Variants in ANXA3 observed in about 807,000 individuals in gnomAD.
ANXA3 encodes 35-alpha calcimedin.
A neutral mutation model predicts 48.8 loss-of-function variants in ANXA3; 46 were observed. The observed-to-expected ratio is 0.94, with a 90% CI of 0.74 to 1.21. ANXA3 has a LOEUF of 1.21. Ranked by LOEUF, ANXA3 falls within the 50% of genes most tolerant of loss-of-function variation. The pLI, the probability that ANXA3 is intolerant of heterozygous loss-of-function variation, is 0.00. For synonymous variants in ANXA3, 128 were observed against 134.7 expected (o/e 0.95, Z 0.35); for missense variants, 383 against 378.6 (o/e 1.01, Z -0.10).
intron 4 of ANXA3, among the ~76,000 whole-genome samples, chr4:78,581,475 G>A (rs1002120615): frequency 2.0e-5 from 3 of 152,082 alleles, no homozygotes; most frequent in Non-Finnish European, 4.4e-5. Flanking sequence ...GTTTCAAATA[G>A]CTAGAAGGAG....
chr4:78,594,977 T>A (rs1035717960), intron 7 of ANXA3, among the ~76,000 whole-genome samples: 45 of 152,038 alleles, frequency 3.0e-4, no homozygotes, highest in African/African-American at 9.4e-4. Flanking sequence ...CTAAAAAAAA[T>A]TTTTAAATTA....
Position 78,604,322 on chromosome 4 carries a change from A to G in ANXA3, c.835A>G (p.Arg279Gly), listed in dbSNP as rs1411768570. The change falls in exon 12 of 13, where the codon AGA (arginine) becomes GGA (glycine). Residue 279 changes from arginine to glycine, a missense_variant. Arg to Gly is a moderately radical substitution (Grantham distance 125, BLOSUM62 -2). Coordinates refer to ENST00000264908, the MANE Select transcript of ANXA3 (RefSeq NM_005139.3). ...EFTLNRIMVSRSEIDLLDIRT... is the reference protein window; with the variant it reads ...EFTLNRIMVSGSEIDLLDIRT... ...TACTCTGAACCGAATAATGGTGTCC[A>G]GATCAGAAATTGACCTTTTGGACAT... The G allele has an allele frequency of 1.2e-6, 2 of 1,613,612 alleles. No homozygotes were observed. Among genetic ancestry groups the G allele is most frequent in the Non-Finnish European group, 8.5e-7 (1 of 1,179,642 alleles).
At position 78,580,956 on chromosome 4, in the gene ANXA3, A is replaced by G. The variant is rs570591793; in HGVS notation, c.199-1221A>G. On this transcript the variant is annotated intron_variant, in intron 4 of 12. Coordinates refer to ENST00000264908, the MANE Select transcript of ANXA3 (RefSeq NM_005139.3). ...ATTGGCCTTTTGGTATTTCCAAAATATGGAAGAAAGATGGAGGTGGAGGGG... is the reference window on the plus strand; with the variant it reads ...ATTGGCCTTTTGGTATTTCCAAAATGTGGAAGAAAGATGGAGGTGGAGGGG... Among the ~76,000 whole-genome samples the G allele has an allele frequency of 2.6e-5, 4 of 152,376 alleles. No homozygotes were observed. The South Asian group carries it at 8.3e-4, about 32-fold the overall frequency.
intron 2 of ANXA3, among the ~76,000 whole-genome samples, chr4:78,562,070 T>C (rs1164815247): frequency 1.1e-4 from 16 of 152,144 alleles, no homozygotes; most frequent in Non-Finnish European, 4.4e-5. Flanking sequence ...GATAAAACTA[T>C]AGTATGCAAA....
At chr4:78,605,122 T>A (rs1417375854) in intron 12 of ANXA3, among the ~76,000 whole-genome samples, 1 of 152,220 alleles carries the variant, frequency 6.6e-6, no homozygotes, top group Non-Finnish European at 1.5e-5. Flanking sequence ...TTTCAAACTT[T>A]TAGGTTTTTA....
At chr4:78,609,668 A>C (rs1173513306) in intron 12 of ANXA3, among the ~76,000 whole-genome samples, 2 of 152,190 alleles carry the variant, frequency 1.3e-5, no homozygotes, top group Non-Finnish European at 2.9e-5. Context: ...TATTGCAGAG[A>C]GCTTTTAAAA....
chr4:78,560,170 C>G (rs1335856630), intron 2 of ANXA3, among the ~76,000 whole-genome samples: 1 of 152,144 alleles, frequency 6.6e-6, no homozygotes, highest in Admixed American at 6.5e-5. Context: ...TACTCCCTTT[C>G]CACTCCTAGT....
Position 78,574,512 on chromosome 4 carries a change from A to G in ANXA3, c.103+1245A>G, listed in dbSNP as rs1416499660. 2.6e-5 allele frequency among the ~76,000 whole-genome samples: 4 copies of G among 152,234 alleles called. No homozygotes were observed. In the East Asian group the frequency reaches 7.7e-4, roughly 29 times the overall value. The stretch of plus-strand genomic sequence containing the variant: ...GCCCCTTTCCCTAGAGATAAACACC[A>G]TCCCAAATTAGAGTTCATTCCCATG... On this transcript the variant is annotated intron_variant, in intron 3 of 12. Transcript: ENST00000264908.
At chr4:78,568,958 C>T (rs188814197) in intron 2 of ANXA3, among the ~76,000 whole-genome samples, 1 of 152,360 alleles carries the variant, frequency 6.6e-6, no homozygotes, top group Non-Finnish European at 1.5e-5. Context: ...GTTACTTAAT[C>T]ATCAGTTTCA....
intron 5 of ANXA3, among the ~76,000 whole-genome samples, chr4:78,583,381 C>T (rs1284961174): frequency 2.0e-5 from 3 of 151,708 alleles, no homozygotes; most frequent in African/African-American, 7.3e-5. Flanking sequence ...AATTGGAGGC[C>T]ATGGTGGGAG....
intron 2 of ANXA3, among the ~76,000 whole-genome samples, chr4:78,570,191 C>T (rs1722815224): frequency 6.6e-6 from 1 of 152,140 alleles, no homozygotes; most frequent in Non-Finnish European, 1.5e-5. Flanking sequence ...GTACTTTCTT[C>T]CCCCCTTGTA....
chr4:78,579,067 G>C lies in ANXA3; in HGVS notation c.144G>C (p.Arg48Ser). The C allele has an allele frequency of 6.2e-7, 1 of 1,612,692 alleles. No homozygotes were observed. Among genetic ancestry groups the C allele is most frequent in the Non-Finnish European group, 8.5e-7 (1 of 1,178,894 alleles). ...TGCTCATCAGCATTCTGACTGAGAG[G>C]TCAAATGCACAGCGGCAGCTGATTG... ...EKMLISILTERSNAQRQLIVK... is the reference protein window; with the variant it reads ...EKMLISILTESSNAQRQLIVK... Residue 48 changes from arginine (R) to serine (S), a missense_variant, in exon 4 of 13, where the codon AGG (arginine) becomes AGC (serine). Transcript: ENST00000264908.
intron 3 of ANXA3, among the ~76,000 whole-genome samples, chr4:78,576,136 C>A (rs1722947299): frequency 6.6e-6 from 1 of 152,130 alleles, no homozygotes; most frequent in South Asian, 2.1e-4. Flanking sequence ...CAGGCAAGGT[C>A]TTTCTTGGCT....
intron 2 of ANXA3, among the ~76,000 whole-genome samples, chr4:78,558,128 A>C (rs1020270767): frequency 3.3e-5 from 5 of 152,254 alleles, no homozygotes; most frequent in African/African-American, 1.2e-4. Context: ...TAAGTGAAAA[A>C]GCCAGTCCCA....
chr4:78,566,598 T>C (rs1722736374), intron 2 of ANXA3, among the ~76,000 whole-genome samples: 1 of 125,904 alleles, frequency 7.9e-6, no homozygotes, highest in African/African-American at 3.0e-5. Context: ...CACTTATAAG[T>C]GGGAGCTAAA....
rs576143345 is a variant in ANXA3 at position 78,599,937 on chromosome 4, G to GA, written c.731-1568dup. On this transcript the variant is annotated intron_variant, in intron 10 of 12. Transcript: ENST00000264908. The stretch of plus-strand genomic sequence containing the variant: ...TGAGATCCCATCTCTAAAAGATGGG[G>GA]AAAAATGTGCAAAAGTTTCAAAATC... Among the ~76,000 whole-genome samples the GA allele has an allele frequency of 2.3e-3, 342 of 151,944 alleles. 1 individual carries two copies. The highest frequency in any genetic ancestry group is 4.0e-3 in the Non-Finnish European group (272 of 67,970).
chr4:78,593,782 G>A (rs1192318207), intron 7 of ANXA3, among the ~76,000 whole-genome samples: 1 of 138,402 alleles, frequency 7.2e-6, no homozygotes, highest in Non-Finnish European at 1.5e-5. Flanking sequence ...GACCACAGGT[G>A]TACACCACCA....
At position 78,610,085 on chromosome 4, in the gene ANXA3, A is replaced by G; in HGVS notation, c.942A>G (p.Thr314=). 2.5e-6 allele frequency: 4 copies of G among 1,611,366 alleles called. No individual in the cohort carries two copies. Among genetic ancestry groups the G allele is most frequent in the Non-Finnish European group, 3.4e-6 (4 of 1,178,338 alleles). Residue 314 remains threonine, a synonymous_variant, in exon 13 of 13, where the codon ACA becomes ACG. Coordinates refer to ENST00000264908, the MANE Select transcript of ANXA3 (RefSeq NM_005139.3). ...KSDTSGDYEI[T]LLKICGGDD ...ATACTTCTGGAGACTATGAAATCAC[A>G]CTCTTAAAAATCTGTGGTGGAGATG...
intron 2 of ANXA3, 26 bp from the exon 3 acceptor site, chr4:78,573,154 T>C: frequency 6.6e-7 from 1 of 1,522,046 alleles, no homozygotes; most frequent in Non-Finnish European, 9.1e-7. Flanking sequence ...TTTGAACCAA[T>C]GGGACTTTCA....
Sources: allele counts gnomAD v4.1 joint callset (sites outside exome capture counted in the v4.1 genomes callset), GRCh38; gene constraint gnomAD v4.1.1; transcripts MANE v1.5; gene names NCBI Gene and HGNC (gene_info 2026-07-23, HGNC 2026-07-21).